The following MTUS1 variants were observed in gnomAD, a reference collection of about 807,000 sequenced individuals.
The protein encoded by MTUS1 is microtubule-associated tumor suppressor 1.
In MTUS1, 109 loss-of-function variants were observed where a neutral mutation model predicts 120.8. That is an observed-to-expected ratio of 0.90 (90% confidence interval 0.77 to 1.06). The LOEUF is 1.06. MTUS1 is among the 50% of genes least tolerant of loss of function. MTUS1 has a pLI of 0.00. For missense variants in MTUS1, 2,210 were observed against 1,486.3 expected (o/e 1.49, Z -8.01); for synonymous variants, 737 against 550.5 (o/e 1.34, Z -4.74).
chr8:17,743,848 C>A (rs372400004), intron 2 of MTUS1, 49 bp from the exon 3 acceptor site: 3 of 1,531,340 alleles, frequency 2.0e-6, no homozygotes, highest in Non-Finnish European at 2.7e-6. Context: ...AATTCTAAGC[C>A]CCCCAACTGA....
chr8:17,770,862 A>G (rs1232476907), intron 1 of MTUS1, among the ~76,000 whole-genome samples: 4 of 152,208 alleles, frequency 2.6e-5, no homozygotes. Context: ...TCTTTAAGCA[A>G]TTTTCAGATC....
intron 7 of MTUS1, among the ~76,000 whole-genome samples, chr8:17,682,007 A>G (rs1814626004): frequency 6.6e-6 from 1 of 152,164 alleles, no homozygotes; most frequent in Admixed American, 6.5e-5. Flanking sequence ...TGTATTGTAC[A>G]CTTACCACAC....
intron 6 of MTUS1, among the ~76,000 whole-genome samples, chr8:17,700,322 T>C (rs1269397797): frequency 6.6e-6 from 1 of 151,748 alleles, no homozygotes; most frequent in African/African-American, 2.4e-5. Context: ...CACAAAAAAT[T>C]AGCTGGGCAT....
At chr8:17,693,744 C>A (rs918866052) in intron 6 of MTUS1, among the ~76,000 whole-genome samples, 1 of 152,148 alleles carries the variant, frequency 6.6e-6, no homozygotes, top group Non-Finnish European at 1.5e-5. Flanking sequence ...AAGTCCACAC[C>A]CTGCATTATT....
chr8:17,768,881 C>G lies in MTUS1; in HGVS notation c.-154-12920G>C, dbSNP rs1465723707. ...CATGTTTACACCAATAAAGATTAAACAATTAATGGTATTTTGTTTACACTT... is the reference window on the plus strand; with the variant it reads ...CATGTTTACACCAATAAAGATTAAAGAATTAATGGTATTTTGTTTACACTT... On this transcript the variant is annotated intron_variant, in intron 1 of 14. Transcript: ENST00000693296. 6.6e-5 allele frequency among the ~76,000 whole-genome samples: 10 copies of G among 152,158 alleles called. No homozygotes were observed. In the East Asian group the frequency reaches 1.9e-3, roughly 29 times the overall value.
At chr8:17,697,138 T>C (rs1350686170) in intron 6 of MTUS1, 1 of 1,285,972 alleles carries the variant, frequency 7.8e-7, no homozygotes, top group Non-Finnish European at 1.1e-6. Context: ...TCATCTCTCA[T>C]TAGAGAGAGC....
In MTUS1 at chr8:17,754,333, C is replaced by T; in HGVS notation, c.1475G>A (p.Cys492Tyr). Residue 492 changes from cysteine to tyrosine, a missense_variant, in exon 2 of 15, where the codon TGC (cysteine) becomes TAC (tyrosine). Transcript: ENST00000693296. The part of the protein sequence containing the change: ...STIKTNTPIG[C>Y]KVRKTEIISY... ...TATAATTTCAGTTTTTCTAACTTTG[C>T]AGCCTATTGGGGTATTCGTTTTGAT... 6 of 1,614,098 alleles carry T rather than the reference C, an allele frequency of 3.7e-6. No homozygotes were observed. Among genetic ancestry groups the T allele is most frequent in the Non-Finnish European group, 5.1e-6 (6 of 1,180,014 alleles).
At chr8:17,693,286 C>T (rs1364322076) in intron 6 of MTUS1, 1 of 152,184 alleles carries the variant, frequency 6.6e-6, no homozygotes, top group Non-Finnish European at 1.5e-5. Flanking sequence ...CACTGGACTT[C>T]TTAGATTTTC....
chr8:17,659,067 T>C (rs908754749), intron 8 of MTUS1, among the ~76,000 whole-genome samples: 2 of 152,092 alleles, frequency 1.3e-5, no homozygotes, highest in Non-Finnish European at 2.9e-5. Context: ...CCTAAACATA[T>C]AGATAAGGAA....
intron 8 of MTUS1, among the ~76,000 whole-genome samples, chr8:17,670,211 C>G (rs972429163): frequency 8.5e-5 from 13 of 152,320 alleles, no homozygotes; most frequent in African/African-American, 3.1e-4. Flanking sequence ...AGGGGCTGGA[C>G]CATCAGGAAG....
At chr8:17,783,429 C>A (rs2051051506) in intron 1 of MTUS1, among the ~76,000 whole-genome samples, 1 of 152,182 alleles carries the variant, frequency 6.6e-6, no homozygotes, top group African/African-American at 2.4e-5. Flanking sequence ...GGACTGGCCG[C>A]TATTTGCCTT....
intron 8 of MTUS1, among the ~76,000 whole-genome samples, chr8:17,663,274 G>T (rs1335596589): frequency 6.6e-6 from 1 of 152,182 alleles, no homozygotes; most frequent in Non-Finnish European, 1.5e-5. Context: ...GGGAAGGTCA[G>T]ACTTTTATTA....
chr8:17,787,424 A>G (rs539476080), intron 1 of MTUS1, among the ~76,000 whole-genome samples: 1 of 152,352 alleles, frequency 6.6e-6, no homozygotes, highest in Non-Finnish European at 1.5e-5. Flanking sequence ...AATAAATAGC[A>G]GCAATGGACA....
At chr8:17,773,363 C>T (rs1438036664) in intron 1 of MTUS1, among the ~76,000 whole-genome samples, 2 of 152,144 alleles carry the variant, frequency 1.3e-5, no homozygotes, top group Non-Finnish European at 2.9e-5. Context: ...CTGGGGTTAC[C>T]TGAAACAAGC....
intron 1 of MTUS1, among the ~76,000 whole-genome samples, chr8:17,790,133 G>C (rs922669727): frequency 6.6e-6 from 1 of 152,104 alleles, no homozygotes; most frequent in Non-Finnish European, 1.5e-5. Context: ...TGGATCACAA[G>C]ATCAGGAAAT....
chr8:17,764,479 T>C, intron 1 of MTUS1, among the ~76,000 whole-genome samples: 1 of 152,054 alleles, frequency 6.6e-6, no homozygotes, highest in East Asian at 1.9e-4. Flanking sequence ...TTTATAATAA[T>C]GCATCCCCTA....
At position 17,645,906 on chromosome 8, in the gene MTUS1, C is replaced by G; in HGVS notation, c.*20G>C. ...CTGCATCAAAATGCTTTCAGAGAGT[C>G]TGTGGACTTTGGGGAGGTGTCATCT... On this transcript the variant is annotated 3_prime_UTR_variant, in exon 15 of 15. Transcript: ENST00000693296. 6.2e-7 allele frequency: 1 copy of G among 1,603,780 alleles called. No homozygotes were observed.
At chr8:17,752,713 C>T (rs772963637) in intron 2 of MTUS1, among the ~76,000 whole-genome samples, 1 of 152,128 alleles carries the variant, frequency 6.6e-6, no homozygotes, top group Non-Finnish European at 1.5e-5. Flanking sequence ...CCTCTTGCCA[C>T]GAGCCCTCCA....
intron 1 of MTUS1, among the ~76,000 whole-genome samples, chr8:17,789,142 C>T (rs919004635): frequency 6.6e-6 from 1 of 151,994 alleles, no homozygotes; most frequent in Admixed American, 6.6e-5. Flanking sequence ...AAGCGATTCT[C>T]CTGCCTCAGC....
Sources: allele counts gnomAD v4.1 joint callset (sites outside exome capture counted in the v4.1 genomes callset), GRCh38; gene constraint gnomAD v4.1.1; transcripts MANE v1.5; gene names NCBI Gene and HGNC (gene_info 2026-07-23, HGNC 2026-07-21).